RBMS3: variants seen among roughly 807,000 people sequenced by gnomAD.
RBMS3 encodes RNA binding motif single stranded interacting protein 3.
A neutral mutation model predicts 66.8 loss-of-function variants in RBMS3; 27 were observed. That is an observed-to-expected ratio of 0.40 (90% confidence interval 0.30 to 0.56). The LOEUF (loss-of-function observed/expected upper bound fraction) is 0.56. Ranked by LOEUF, RBMS3 falls within the 20% of genes least tolerant of loss-of-function variation. The pLI, the probability that RBMS3 is intolerant of heterozygous loss-of-function variation, is 0.40. For synonymous variants in RBMS3, 188 were observed against 183.0 expected, an observed-to-expected ratio of 1.03 and a Z score of -0.22; for missense variants, 513 against 549.5, an observed-to-expected ratio of 0.93 and a Z score of 0.66.
At chr3:29,601,068 C>A (rs1007706008) in intron 4 of RBMS3, among the ~76,000 whole-genome samples, 13 of 151,962 alleles carry the variant, frequency 8.6e-5, no homozygotes, top group African/African-American at 3.1e-4. Flanking sequence ...TGAGGCAAAT[C>A]AGCCTCTTTA....
chr3:29,668,685 A>G (rs765414233), intron 4 of RBMS3, among the ~76,000 whole-genome samples: 1 of 152,230 alleles, frequency 6.6e-6, no homozygotes, highest in Non-Finnish European at 1.5e-5. Context: ...AGGAGGTACA[A>G]TACTTACACA....
chr3:29,884,422 T>TTCTCTCTCTCTCTCTC (rs571002730), intron 8 of RBMS3, among the ~76,000 whole-genome samples: 11 of 41,882 alleles, frequency 2.6e-4, no homozygotes, highest in African/African-American at 5.2e-4. Context: ...TTAAACCCTG[T>TTCTCTCTCTCTCTCTC]TCTCTCTCTC....
At chr3:29,604,837 A>G in intron 4 of RBMS3, among the ~76,000 whole-genome samples, 1 of 152,058 alleles carries the variant, frequency 6.6e-6, no homozygotes, top group Admixed American at 6.6e-5. Context: ...GGGATAGACT[A>G]CTAGAAGAGT....
At chr3:29,739,234 ACTAAG>A (rs2054515436) in intron 4 of RBMS3, among the ~76,000 whole-genome samples, 3 of 152,276 alleles carry the variant, frequency 2.0e-5, no homozygotes, top group East Asian at 1.9e-4. Flanking sequence ...TGGGCGGATC[ACTAAG>A]TCAGGAGGAG....
At position 29,580,861 on chromosome 3, in the gene RBMS3, C is replaced by A. The variant is rs183542329; in HGVS notation, c.308-6253C>A. Among the ~76,000 whole-genome samples the A allele has an allele frequency of 2.2e-4, 34 of 152,166 alleles. No individual in the cohort carries two copies. The Middle Eastern group carries it at 0.01, about 46-fold the overall frequency. On this transcript the variant is annotated intron_variant, in intron 3 of 14. Transcript: ENST00000383767. The stretch of plus-strand genomic sequence containing the variant: ...ATATGAGGGGACTCCAGTGGAGCAA[C>A]CTGTTTTCTGTATAGTGGATATTGT...
intron 4 of RBMS3, among the ~76,000 whole-genome samples, chr3:29,675,087 A>G (rs947771548): frequency 3.3e-5 from 5 of 152,180 alleles, no homozygotes; most frequent in African/African-American, 1.2e-4. Context: ...GATATAGACC[A>G]ATGGAACAGA....
chr3:29,702,727 C>T (rs764363164), intron 4 of RBMS3, among the ~76,000 whole-genome samples: 9 of 151,986 alleles, frequency 5.9e-5, no homozygotes, highest in Non-Finnish European at 1.3e-4. Context: ...AGAGCTGTAA[C>T]ACTCACCGTG....
intron 1 of RBMS3, among the ~76,000 whole-genome samples, chr3:29,353,387 C>G (rs34721711): frequency 0.01 from 1,578 of 151,778 alleles, 34 homozygotes; most frequent in African/African-American, 0.035. Context: ...TAATATTAGA[C>G]GAGCTCTGTG....
chr3:29,704,565 T>G (rs1397440031), intron 4 of RBMS3, among the ~76,000 whole-genome samples: 1 of 152,224 alleles, frequency 6.6e-6, no homozygotes, highest in Non-Finnish European at 1.5e-5. Context: ...ACGGTGATAC[T>G]ACTGCCTGTT....
chr3:29,922,130 C>T (rs1482776657), intron 10 of RBMS3, among the ~76,000 whole-genome samples: 1 of 152,216 alleles, frequency 6.6e-6, no homozygotes, highest in Non-Finnish European at 1.5e-5. Flanking sequence ...ATTTGTGAAA[C>T]TTACTCTATT....
chr3:29,431,313 TGACA>T (rs2041187287), intron 1 of RBMS3, among the ~76,000 whole-genome samples: 1 of 150,242 alleles, frequency 6.7e-6, no homozygotes, highest in Admixed American at 6.6e-5. Flanking sequence ...TTTTTTTTTT[TGACA>T]GAGTCTCACT....
intron 7 of RBMS3, among the ~76,000 whole-genome samples, chr3:29,877,867 C>T (rs910102085): frequency 6.6e-6 from 1 of 151,990 alleles, no homozygotes; most frequent in South Asian, 2.1e-4. Context: ...ATATTTTTTC[C>T]GAGAATAGTT....
At chr3:29,348,946 C>T (rs1351386047) in intron 1 of RBMS3, among the ~76,000 whole-genome samples, 1 of 152,172 alleles carries the variant, frequency 6.6e-6, no homozygotes, top group African/African-American at 2.4e-5. Flanking sequence ...CAGTTCACCT[C>T]ATTCTTCAAC....
chr3:29,388,106 CACACA>C lies in RBMS3; in HGVS notation c.76-46636_76-46632del, dbSNP rs1365952894. On this transcript the variant is annotated intron_variant, in intron 1 of 14. Transcript: ENST00000383767. ...ACAGACACACACACACACACACACACACACATGTGTGTGTATGTATATATGTGTAT... is the reference window on the plus strand; with the variant it reads ...ACAGACACACACACACACACACACACTGTGTGTGTATGTATATATGTGTAT... 8.6e-4 allele frequency among the ~76,000 whole-genome samples: 129 copies of C among 149,376 alleles called. 1 individual carries two copies. The highest frequency in any genetic ancestry group is 1.0e-3 in the Non-Finnish European group (71 of 67,826).
chr3:29,782,714 G>A (rs780776472), intron 6 of RBMS3, among the ~76,000 whole-genome samples: 2 of 152,118 alleles, frequency 1.3e-5, no homozygotes. Context: ...GAATTCAGAA[G>A]GTTGATTATT....
chr3:29,761,892 T>C (rs1377647745), intron 5 of RBMS3, among the ~76,000 whole-genome samples: 1 of 152,192 alleles, frequency 6.6e-6, no homozygotes, highest in Non-Finnish European at 1.5e-5. Flanking sequence ...GTATGCTGTT[T>C]CTTAAATGTA....
intron 6 of RBMS3, among the ~76,000 whole-genome samples, chr3:29,789,492 A>G (rs2056931680): frequency 1.3e-5 from 2 of 152,268 alleles, no homozygotes; most frequent in African/African-American, 2.4e-5. Context: ...CATTCTTTGC[A>G]TAGAATCCAA....
At chr3:29,518,750 A>C (rs1235240273) in intron 3 of RBMS3, among the ~76,000 whole-genome samples, 2 of 152,178 alleles carry the variant, frequency 1.3e-5, no homozygotes, top group East Asian at 3.8e-4. Context: ...CTACTTATAC[A>C]CTGTATGTTA....
chr3:29,706,870 C>T (rs2052920447), intron 4 of RBMS3, among the ~76,000 whole-genome samples: 1 of 152,134 alleles, frequency 6.6e-6, no homozygotes, highest in Non-Finnish European at 1.5e-5. Context: ...CCAAAGATAT[C>T]TTGCATCCAT....
Sources: gnomAD v4.1 joint callset for allele counts (sites outside exome capture counted in the v4.1 genomes callset) on GRCh38, gnomAD v4.1.1 for gene constraint, MANE v1.5 for transcripts, NCBI Gene and HGNC (gene_info 2026-07-23, HGNC 2026-07-21) for gene names.